GLS: variants seen among roughly 807,000 people sequenced by gnomAD.
The protein encoded by GLS is glutaminase.
Under a neutral mutation model 86.7 loss-of-function variants are expected in GLS, and 36 were observed. The observed-to-expected ratio is 0.42, with a 90% CI of 0.32 to 0.55. The LOEUF (loss-of-function observed/expected upper bound fraction) is 0.55, where lower values mean the gene tolerates loss of function less well. Among genes scored for constraint, GLS ranks in the 20% least tolerant of loss-of-function variants. The pLI is 0.17. For synonymous variants in GLS, 317 were observed against 305.9 expected (o/e 1.04, Z -0.38); for missense variants, 528 against 833.4 (o/e 0.63, Z 4.51).
At chr2:190,940,122 A>G (rs1274467992) in intron 14 of GLS, among the ~76,000 whole-genome samples, 2 of 151,932 alleles carry the variant, frequency 1.3e-5, no homozygotes, top group Non-Finnish European at 2.9e-5. Flanking sequence ...GTAAAAGTCC[A>G]AATTTCTCTT....
chr2:190,923,326 C>T (rs747526442), intron 9 of GLS, among the ~76,000 whole-genome samples: 1 of 151,968 alleles, frequency 6.6e-6, no homozygotes, highest in Non-Finnish European at 1.5e-5. Flanking sequence ...TGATGTTTTC[C>T]CACTCCTCTC....
At chr2:190,937,700 T>A (rs1342905593) in intron 14 of GLS, among the ~76,000 whole-genome samples, 3 of 151,370 alleles carry the variant, frequency 2.0e-5, no homozygotes, top group Admixed American at 6.6e-5. Flanking sequence ...CTAATAGAGA[T>A]TTTTTAAATA....
At position 190,913,462 on chromosome 2, in the gene GLS, G is replaced by T; in HGVS notation, c.1038+3141G>T. 1.1e-6 allele frequency: 1 copy of T among 922,744 alleles called. No individual in the cohort carries two copies. The highest frequency in any genetic ancestry group is 1.3e-6 in the Non-Finnish European group (1 of 756,784). 57.2% of individuals were successfully genotyped at this position (922,744 alleles called of 1,614,324 possible). On this transcript the variant is annotated intron_variant, in intron 7 of 17. Coordinates refer to ENST00000320717, the MANE Select transcript of GLS (RefSeq NM_014905.5). The surrounding 1 kb of genome is among the most constrained non-coding windows in gnomAD (Gnocchi z 6.1). ...TTATACTTCCTCTCTTTTTCTCTGTGGTAGCTACTAACTTTAAAGGAATAC... is the reference window on the plus strand; with the variant it reads ...TTATACTTCCTCTCTTTTTCTCTGTTGTAGCTACTAACTTTAAAGGAATAC...
intron 11 of GLS, chr2:190,927,094 CTG>C (rs1237378763): frequency 4.3e-6 from 2 of 462,118 alleles, no homozygotes; most frequent in Non-Finnish European, 7.6e-6. Flanking sequence ...CATTAAAAGA[CTG>C]AGTATCTTTG....
intron 14 of GLS, among the ~76,000 whole-genome samples, chr2:190,945,825 AT>A (rs1690564876): frequency 6.6e-6 from 1 of 151,998 alleles, no homozygotes; most frequent in African/African-American, 2.4e-5. Flanking sequence ...TTATAGTAAA[AT>A]TTGCTATTTG....
Position 190,922,388 on chromosome 2 carries a change from G to A in GLS, c.1130+1185G>A, listed in dbSNP as rs188281428. On this transcript the variant is annotated intron_variant, in intron 9 of 17. Transcript: ENST00000320717. ...TTTCAGGGGTAAACATTTTCAGGTTGCATGGCTTCCCAACATTAATTCATC... is the reference window on the plus strand; with the variant it reads ...TTTCAGGGGTAAACATTTTCAGGTTACATGGCTTCCCAACATTAATTCATC... 8.4e-4 allele frequency among the ~76,000 whole-genome samples: 128 copies of A among 152,212 alleles called. 1 individual carries two copies. The highest frequency in any genetic ancestry group is 4.5e-3 in the Admixed American group (69 of 15,288).
intron 3 of GLS, among the ~76,000 whole-genome samples, chr2:190,898,419 A>C (rs1370053120): frequency 6.6e-6 from 1 of 152,212 alleles, no homozygotes; most frequent in East Asian, 1.9e-4. Flanking sequence ...TTTCCTAGTT[A>C]GACTCATGGT....
Position 190,923,996 on chromosome 2 carries a change from T to C in GLS, c.1197+13T>C. ...AAAAGAAAAGAAGGTTTTTAAATTT[T>C]TGTTTCTATTTCAAATTATTCTTTC... On this transcript the variant is annotated intron_variant, in intron 10 of 17. Coordinates refer to ENST00000320717, the MANE Select transcript of GLS (RefSeq NM_014905.5). 1 of 1,214,256 alleles carries C rather than the reference T, an allele frequency of 8.2e-7. No homozygotes were observed. Among genetic ancestry groups the C allele is most frequent in the East Asian group, 2.3e-5 (1 of 42,826 alleles). The allele number at this position is 1,214,256 out of a possible 1,614,324, so 75.2% of individuals were successfully genotyped here. A position where few individuals can be genotyped will look rare whatever the true frequency, so the allele number is the denominator to read the frequency against.
At position 190,953,941 on chromosome 2, in the gene GLS, A is replaced by G. The variant is rs1009176077; in HGVS notation, c.1712+315A>G. On this transcript the variant is annotated intron_variant, in intron 15 of 17. Transcript: ENST00000320717. The surrounding 1 kb of genome is among the most constrained non-coding windows in gnomAD (Gnocchi z 4.0). The stretch of plus-strand genomic sequence containing the variant: ...ACTCCCTGTCTACCCTCCATTCCCA[A>G]TCTTTGATATGTGTGTGTGTGTGTG... Among the ~76,000 whole-genome samples, 30 of 132,698 alleles carry G rather than the reference A, an allele frequency of 2.3e-4. No homozygotes were observed. Among genetic ancestry groups the G allele is most frequent in the Non-Finnish European group, 3.6e-4 (23 of 63,266 alleles). The allele number at this position is 132,698 out of a possible 152,430, so 87.1% of individuals were successfully genotyped here.
In GLS at chr2:190,914,006, G is replaced by C. The variant is rs1689440910; in HGVS notation, c.1038+3685G>C. 6.6e-6 allele frequency among the ~76,000 whole-genome samples: 1 copy of C among 151,960 alleles called. No individual in the cohort carries two copies. The highest frequency in any genetic ancestry group is 1.5e-5 in the Non-Finnish European group (1 of 67,988). On this transcript the variant is annotated intron_variant, in intron 7 of 17. Transcript: ENST00000320717. This position sits in a 1 kb window ranked among gnomAD's most constrained non-coding sequence, Gnocchi z 4.4. ...AGGGTCTTGCCATATTGCCCAGGCT[G>C]GTCCCAAACTCCTGGCCTAAAGTGA...
Position 190,959,565 on chromosome 2 carries a change from G to A in GLS, c.1854-3265G>A, listed in dbSNP as rs113365015. Among the ~76,000 whole-genome samples, 562 of 152,004 alleles carry A rather than the reference G, an allele frequency of 3.7e-3. 9 individuals carry two copies. The highest frequency in any genetic ancestry group is 0.013 in the African/African-American group (525 of 41,480). ...TTTTTGCAGTTGCTGGTTACCCCTC[G>A]TGGAGTTTTTAACAACCCAGGGTAG... On this transcript the variant is annotated intron_variant, in intron 17 of 17. Transcript: ENST00000320717.
chr2:190,883,921 T>TC lies in GLS; in HGVS notation c.386+2452dup, dbSNP rs759313351. Reference sequence around the variant, plus strand: ...ATAAGCAAGTTACTTTACCTTTTTTTCACAAACTCTTTGAACTAATGTCAC... The same window carrying TC: ...ATAAGCAAGTTACTTTACCTTTTTTTCCACAAACTCTTTGAACTAATGTCAC... On this transcript the variant is annotated intron_variant, in intron 1 of 17. Transcript: ENST00000320717. Among the ~76,000 whole-genome samples, 16 of 152,370 alleles carry TC rather than the reference T, an allele frequency of 1.1e-4. 1 individual carries two copies. Among genetic ancestry groups the TC allele is most frequent in the Admixed American group, 5.2e-4 (8 of 15,306 alleles).
chr2:190,885,056 A>G (rs936087434), intron 1 of GLS, among the ~76,000 whole-genome samples: 1 of 152,266 alleles, frequency 6.6e-6, no homozygotes, highest in African/African-American at 2.4e-5. Flanking sequence ...TTTATATTTA[A>G]AAGTAAAAAT....
chr2:190,918,293 C>G (rs184582797), intron 7 of GLS, among the ~76,000 whole-genome samples: 2 of 152,308 alleles, frequency 1.3e-5, no homozygotes, highest in East Asian at 3.9e-4. Context: ...GGGTAACTTG[C>G]TGCACCTTCT....
chr2:190,889,756 T>G (rs765428087), intron 1 of GLS, among the ~76,000 whole-genome samples: 2 of 152,182 alleles, frequency 1.3e-5, no homozygotes, highest in Non-Finnish European at 2.9e-5. Context: ...CAAATTACCA[T>G]GAGCTGACAG....
intron 14 of GLS, among the ~76,000 whole-genome samples, chr2:190,950,312 A>C (rs1607187): frequency 0.33 from 50,549 of 152,024 alleles, 10,718 homozygotes; most frequent in Non-Finnish European, 0.47. Flanking sequence ...TTTCCTTTAG[A>C]TATGATGGAA....
chr2:190,951,140 G>T lies in GLS; in HGVS notation c.1651-2425G>T, dbSNP rs1517354. On this transcript the variant is annotated intron_variant, in intron 14 of 17. Transcript: ENST00000320717. The surrounding 1 kb of genome is among the most constrained non-coding windows in gnomAD (Gnocchi z 4.2). ...AGAAGATTGGACTGCCTTGGGAGTA[G>T]TATTTGGCAGTGGAAAGTGGGTAAT... Among the ~76,000 whole-genome samples the T allele has an allele frequency of 0.84, 127,066 of 151,936 alleles. 54,892 individuals are homozygous for T. Among genetic ancestry groups the T allele is most frequent in the Non-Finnish European group, 0.94 (64,029 of 67,984 alleles).
intron 17 of GLS, among the ~76,000 whole-genome samples, chr2:190,961,908 G>A (rs758097551): frequency 3.9e-5 from 6 of 152,204 alleles, no homozygotes; most frequent in Non-Finnish European, 8.8e-5. Flanking sequence ...GGAAGGTGGT[G>A]CCAGTGGCAC....
chr2:190,925,034 C>G (rs976944631), intron 11 of GLS, among the ~76,000 whole-genome samples: 5 of 152,220 alleles, frequency 3.3e-5, no homozygotes, highest in Admixed American at 6.5e-5. Context: ...AAAAGGCAGT[C>G]TCATGTCCAT....
Sources: gnomAD v4.1 joint callset for allele counts (sites outside exome capture counted in the v4.1 genomes callset) on GRCh38, gnomAD v4.1.1 for gene constraint, Gnocchi (gnomAD v3.1) non-coding constraint, MANE v1.5 for transcripts, NCBI Gene and HGNC (gene_info 2026-07-23, HGNC 2026-07-21) for gene names.